The following DNAAF4 variants were observed in gnomAD, a reference collection of about 807,000 sequenced individuals.
DNAAF4 encodes dynein assembly factor 4, axonemal.
A neutral mutation model predicts 51.8 loss-of-function variants in DNAAF4; 43 were observed. The ratio of observed to expected loss-of-function variants is 0.83; its 90% confidence interval spans 0.65 to 1.07. The LOEUF is 1.07. Ranked by LOEUF, DNAAF4 falls within the 50% of genes least tolerant of loss-of-function variation. The pLI is 0.00. For missense variants in DNAAF4, 581 were observed against 493.0 expected (o/e 1.18, Z -1.69); for synonymous variants, 194 against 165.6 (o/e 1.17, Z -1.32).
intron 6 of DNAAF4, chr15:55,443,314 A>G: frequency 7.9e-7 from 1 of 1,272,976 alleles, no homozygotes; most frequent in South Asian, 1.3e-5. Context: ...CGGCTGGCAA[A>G]GGGCCCCCAG....
At chr15:55,479,846 A>T (rs554763633) in intron 4 of DNAAF4, among the ~76,000 whole-genome samples, 18 of 150,214 alleles carry the variant, frequency 1.2e-4, no homozygotes, top group Non-Finnish European at 1.3e-4. Context: ...TGGGGGAAAA[A>T]CTCCACCCTC....
At chr15:55,423,679 G>A (rs1053114049) in intron 7 of DNAAF4, among the ~76,000 whole-genome samples, 25 of 152,150 alleles carry the variant, frequency 1.6e-4, no homozygotes, top group Non-Finnish European at 2.4e-4. Flanking sequence ...TAAAGCCAGC[G>A]CGGTGGCTCA....
intron 7 of DNAAF4, among the ~76,000 whole-genome samples, chr15:55,435,530 AAAGG>A (rs2057593508): frequency 1.3e-5 from 2 of 152,204 alleles, no homozygotes; most frequent in Non-Finnish European, 2.9e-5. Context: ...TGGAAATATG[AAAGG>A]AATAAAAAGG....
chr15:55,447,292 C>T (rs2057847834), intron 6 of DNAAF4, among the ~76,000 whole-genome samples: 1 of 148,526 alleles, frequency 6.7e-6, no homozygotes, highest in African/African-American at 2.5e-5. Flanking sequence ...ACATCCCAGA[C>T]TGGGCGGCTG....
At chr15:55,437,803 T>C (rs1338317393) in intron 7 of DNAAF4, among the ~76,000 whole-genome samples, 1 of 152,110 alleles carries the variant, frequency 6.6e-6, no homozygotes, top group Admixed American at 6.6e-5. Context: ...AAACAGCTTT[T>C]CTCCTAGAGC....
intron 6 of DNAAF4, chr15:55,443,022 G>A: frequency 6.2e-7 from 1 of 1,611,314 alleles, no homozygotes; most frequent in East Asian, 2.2e-5. Context: ...AGCTTCTGGT[G>A]AAGAGCTGGG....
chr15:55,477,732 G>A (rs972485683), intron 4 of DNAAF4, among the ~76,000 whole-genome samples: 2 of 151,430 alleles, frequency 1.3e-5, no homozygotes, highest in Admixed American at 1.3e-4. Flanking sequence ...ATTAACATAG[G>A]AACATCAGTT....
intron 5 of DNAAF4, among the ~76,000 whole-genome samples, chr15:55,462,118 A>G (rs2058101304): frequency 6.6e-6 from 1 of 152,196 alleles, no homozygotes; most frequent in African/African-American, 2.4e-5. Flanking sequence ...GAAAAGACCA[A>G]TAGCAGGTAG....
At chr15:55,497,456 C>T (rs559993496) in intron 3 of DNAAF4, among the ~76,000 whole-genome samples, 9 of 152,022 alleles carry the variant, frequency 5.9e-5, no homozygotes, top group Middle Eastern at 3.4e-3. Flanking sequence ...AAAATTTAGC[C>T]GGGCGTGGTG....
intron 5 of DNAAF4, among the ~76,000 whole-genome samples, chr15:55,452,984 C>T (rs1455118251): frequency 2.6e-5 from 4 of 152,024 alleles, no homozygotes; most frequent in Admixed American, 2.6e-4. Flanking sequence ...CACCACCATG[C>T]CCAGCTAATT....
chr15:55,506,919 G>C (rs2058730136), intron 1 of DNAAF4, among the ~76,000 whole-genome samples: 1 of 151,722 alleles, frequency 6.6e-6, no homozygotes, highest in African/African-American at 2.4e-5. Flanking sequence ...GGGGCATCTT[G>C]GCTCACTGCA....
chr15:55,443,295 T>A, intron 6 of DNAAF4: 1 of 1,420,770 alleles, frequency 7.0e-7, no homozygotes, highest in Non-Finnish European at 9.7e-7. Flanking sequence ...GGCGCCTGCC[T>A]ACCGGTGGCG....
intron 1 of DNAAF4, among the ~76,000 whole-genome samples, chr15:55,501,348 C>T (rs1455045628): frequency 1.3e-5 from 2 of 149,736 alleles, no homozygotes; most frequent in African/African-American, 4.9e-5. Flanking sequence ...AGGCGTGAGC[C>T]ACTGTGCCTG....
Position 55,432,527 on chromosome 15 carries a change from C to G in DNAAF4, c.1123G>C (p.Ala375Pro), listed in dbSNP as rs1413738409. The G allele has an allele frequency of 6.2e-7, 1 of 1,611,650 alleles. No homozygotes were observed. Among genetic ancestry groups the G allele is most frequent in the African/African-American group, 1.3e-5 (1 of 75,004 alleles). ...RMKAHVRRGTAFCQLELYVEG... is the reference protein window; with the variant it reads ...RMKAHVRRGTPFCQLELYVEG... The stretch of plus-strand genomic sequence containing the variant: ...ACATACAATTCTAGTTGACAGAATG[C>G]TGTTCCACGTCGTACATGTGCCTTC... Residue 375 changes from alanine (A) to proline (P), a missense_variant, in exon 9 of 10, where the codon GCA becomes CCA. By Grantham distance (27) the Ala-to-Pro change is conservative. Transcript: ENST00000321149.
At chr15:55,498,100 AG>A in intron 2 of DNAAF4, 106 bp downstream of exon 2, 1 of 1,563,724 alleles carries the variant, frequency 6.4e-7, no homozygotes, top group Non-Finnish European at 8.7e-7. Context: ...TTAAAAATTT[AG>A]GACGTTTATC....
intron 4 of DNAAF4, among the ~76,000 whole-genome samples, chr15:55,478,954 T>C (rs1421395212): frequency 6.6e-6 from 1 of 152,086 alleles, no homozygotes; most frequent in Non-Finnish European, 1.5e-5. Context: ...TATCTGATCA[T>C]GTAAGCTATG....
At chr15:55,471,806 C>A (rs925308370) in intron 4 of DNAAF4, among the ~76,000 whole-genome samples, 1 of 151,772 alleles carries the variant, frequency 6.6e-6, no homozygotes, top group African/African-American at 2.4e-5. Context: ...AGCCACCACG[C>A]CCAGCCAACA....
chr15:55,473,285 GTATATATA>G (rs1187177457), intron 4 of DNAAF4, among the ~76,000 whole-genome samples: 2 of 127,394 alleles, frequency 1.6e-5, no homozygotes, highest in East Asian at 4.7e-4. Flanking sequence ...ATATATATGT[GTATATATA>G]TGTGTATATA....
rs764845570 is a variant in DNAAF4, at chr15:55,498,262, A to T, written c.68T>A (p.Leu23His). 4 of 1,613,816 alleles carry T rather than the reference A, an allele frequency of 2.5e-6. No individual in the cohort carries two copies. Among genetic ancestry groups the T allele is most frequent in the Non-Finnish European group, 3.4e-6 (4 of 1,179,882 alleles). ...TKTAVFLSLP[L>H]KGVCVRDTDV... is the part of the protein sequence containing the mutation. ...CGTGTCTCTGACGCACACGCCTTTG[A>T]GGGGCAGAGACAGAAAGACCGCAGT... The change falls in exon 2 of 10, where the codon CTC becomes CAC. Residue 23 changes from leucine to histidine, a missense_variant. Coordinates refer to ENST00000321149, the MANE Select transcript of DNAAF4 (RefSeq NM_130810.4).
Sources: gnomAD v4.1 joint callset for allele counts (sites outside exome capture counted in the v4.1 genomes callset) on GRCh38, gnomAD v4.1.1 for gene constraint, MANE v1.5 for transcripts, NCBI Gene and HGNC (gene_info 2026-07-23, HGNC 2026-07-21) for gene names.